Variants in FANCC observed in about 807,000 individuals in gnomAD.
FANCC encodes Fanconi anemia group C protein.
In FANCC, 55 loss-of-function variants were observed where a neutral mutation model predicts 71.3. The ratio of observed to expected loss-of-function variants is 0.77; its 90% CI spans 0.62 to 0.97. The LOEUF (loss-of-function observed/expected upper bound fraction) is 0.97, where lower values mean the gene tolerates loss of function less well. Ranked by LOEUF, FANCC falls within the 50% of genes least tolerant of loss-of-function variation. The probability of loss-of-function intolerance (pLI) is 0.00; values close to 1 mark genes in which losing one functional copy is unlikely to be tolerated. For missense variants in FANCC, 678 were observed against 670.9 expected (o/e 1.01, Z -0.12); for synonymous variants, 275 against 244.9 (o/e 1.12, Z -1.15).
intron 12 of FANCC, among the ~76,000 whole-genome samples, chr9:95,112,656 T>C (rs1416434044): frequency 6.6e-6 from 1 of 152,226 alleles, no homozygotes; most frequent in Non-Finnish European, 1.5e-5. Flanking sequence ...GGTAGACAGA[T>C]GCACAGAGCA....
chr9:95,125,183 C>T lies in FANCC; in HGVS notation c.899G>A (p.Cys300Tyr), dbSNP rs1485521289. The T allele has an allele frequency of 1.2e-6, 2 of 1,613,252 alleles. No homozygotes were observed. The highest frequency in any genetic ancestry group is 1.3e-5 in the African/African-American group (1 of 74,890). The change falls in exon 10 of 15, where the codon TGT becomes TAT. Residue 300 changes from cysteine to tyrosine, a missense_variant and splice_region_variant. Transcript: ENST00000289081. ...GGCCCCATCGGTTTCCAGGAGTGCACACCTGAACAATGCAAAGTCAGATCA... is the reference window on the plus strand; with the variant it reads ...GGCCCCATCGGTTTCCAGGAGTGCATACCTGAACAATGCAAAGTCAGATCA... ...IFRVVDEMFR[C>Y]ALLETDGALE...
chr9:95,247,407 G>A (rs1281853760), intron 3 of FANCC, 25 bp downstream of exon 3: 2 of 1,542,420 alleles, frequency 1.3e-6, no homozygotes, highest in Admixed American at 3.3e-5. Context: ...TAGCCATTTT[G>A]AGAGGACACG....
chr9:95,265,499 G>A (rs1182815497), intron 1 of FANCC, among the ~76,000 whole-genome samples: 1 of 152,142 alleles, frequency 6.6e-6, no homozygotes, highest in Admixed American at 6.5e-5. Flanking sequence ...GCACCAAGGA[G>A]CCATCATTCG....
intron 4 of FANCC, among the ~76,000 whole-genome samples, chr9:95,183,380 C>T (rs1464603061): frequency 1.3e-5 from 2 of 152,208 alleles, no homozygotes; most frequent in African/African-American, 4.8e-5. Flanking sequence ...CCTTCACATT[C>T]CTACCACAGC....
At chr9:95,197,722 G>A (rs534599770) in intron 4 of FANCC, among the ~76,000 whole-genome samples, 1 of 152,270 alleles carries the variant, frequency 6.6e-6, no homozygotes, top group East Asian at 1.9e-4. Context: ...CCTGAGGAAG[G>A]CCAGTGGTGC....
intron 4 of FANCC, among the ~76,000 whole-genome samples, chr9:95,208,339 C>G (rs1056713438): frequency 6.6e-6 from 1 of 151,732 alleles, no homozygotes; most frequent in Non-Finnish European, 1.5e-5. Flanking sequence ...TCAGGTGATC[C>G]GCCTACCTCG....
chr9:95,239,491 G>A (rs1207757858), intron 4 of FANCC, among the ~76,000 whole-genome samples: 1 of 152,066 alleles, frequency 6.6e-6, no homozygotes, highest in East Asian at 1.9e-4. Context: ...GACTCAATGA[G>A]CTATCTAATA....
chr9:95,124,582 C>G (rs1825684838), intron 10 of FANCC, among the ~76,000 whole-genome samples: 1 of 152,190 alleles, frequency 6.6e-6, no homozygotes, highest in Admixed American at 6.5e-5. Context: ...CAAGCCTTTC[C>G]CAGTCACTCT....
intron 10 of FANCC, among the ~76,000 whole-genome samples, chr9:95,118,991 T>C (rs1237618840): frequency 1.3e-5 from 2 of 152,126 alleles, no homozygotes; most frequent in Non-Finnish European, 2.9e-5. Flanking sequence ...GGCCATATGG[T>C]TTTCCGGTGT....
chr9:95,237,843 T>G (rs1049891191), intron 4 of FANCC, among the ~76,000 whole-genome samples: 2 of 152,230 alleles, frequency 1.3e-5, no homozygotes, highest in Admixed American at 6.5e-5. Context: ...AAAAAGATTA[T>G]AAATAATCTC....
At chr9:95,129,143 A>C (rs1588115489) in intron 8 of FANCC, among the ~76,000 whole-genome samples, 1 of 152,132 alleles carries the variant, frequency 6.6e-6, no homozygotes, top group East Asian at 1.9e-4. Context: ...CCTCACTGAA[A>C]AAAAAGAAAA....
chr9:95,176,132 C>T (rs969130530), intron 4 of FANCC, among the ~76,000 whole-genome samples: 2 of 152,226 alleles, frequency 1.3e-5, no homozygotes, highest in Non-Finnish European at 2.9e-5. Context: ...CGGGTAGGTA[C>T]TGTTACTGAA....
Position 95,247,522 on chromosome 9 carries a change from A to G in FANCC, c.166-6T>C, listed in dbSNP as rs1254372586. On this transcript the variant is annotated splice_polypyrimidine_tract_variant and splice_region_variant and intron_variant, in intron 2 of 14. Transcript: ENST00000289081. ...TCAATGACTGTATTAGAATCCTGTG[A>G]AAGAAAAATAAATTTTGGTCAGTAA... 6.2e-7 allele frequency: 1 copy of G among 1,609,512 alleles called. No homozygotes were observed. The highest frequency in any genetic ancestry group is 2.2e-5 in the East Asian group (1 of 44,806).
At chr9:95,136,235 A>T (rs555191266) in intron 7 of FANCC, among the ~76,000 whole-genome samples, 117 of 151,048 alleles carry the variant, frequency 7.7e-4, no homozygotes, top group South Asian at 4.2e-3. Context: ...ACAAAAAAAA[A>T]TTTTTTTTTT....
chr9:95,170,894 T>C (rs537980197), intron 6 of FANCC, among the ~76,000 whole-genome samples, 185 bp downstream of exon 6: 71 of 152,218 alleles, frequency 4.7e-4, no homozygotes, highest in Admixed American at 2.1e-3. Flanking sequence ...GTTGAGAAAA[T>C]AGTGATTTTT....
intron 1 of FANCC, chr9:95,294,458 A>C (rs1411037911): frequency 6.2e-7 from 1 of 1,602,492 alleles, no homozygotes; most frequent in Admixed American, 1.7e-5. Flanking sequence ...ACACAGACAG[A>C]CTTAAACTTT....
At position 95,291,714 on chromosome 9, in the gene FANCC, G is replaced by A. The variant is rs557005779; in HGVS notation, c.-79+25812C>T. Among the ~76,000 whole-genome samples, 24 of 151,952 alleles carry A rather than the reference G, an allele frequency of 1.6e-4. No individual in the cohort carries two copies. The South Asian group carries it at 1.7e-3, about 11-fold the overall frequency. On this transcript the variant is annotated intron_variant, in intron 1 of 14. Coordinates refer to ENST00000289081, the MANE Select transcript of FANCC (RefSeq NM_000136.3). ...TGTAATCCCAGCACTTTGGGAGGCCGAGGCAGGTGGATCACCTGAGGTCAG... is the reference window on the plus strand; with the variant it reads ...TGTAATCCCAGCACTTTGGGAGGCCAAGGCAGGTGGATCACCTGAGGTCAG...
intron 1 of FANCC, among the ~76,000 whole-genome samples, chr9:95,271,847 TA>T (rs1832741235): frequency 6.6e-6 from 1 of 150,540 alleles, no homozygotes; most frequent in Non-Finnish European, 1.5e-5. Flanking sequence ...ATGCACGCCT[TA>T]AAAGTTTATC....
Position 95,126,597 on chromosome 9 carries a change from A to C in FANCC, c.844-16T>G. 6.2e-7 allele frequency: 1 copy of C among 1,613,744 alleles called. No individual in the cohort carries two copies. The highest frequency in any genetic ancestry group is 8.5e-7 in the Non-Finnish European group (1 of 1,179,660). On this transcript the variant is annotated splice_polypyrimidine_tract_variant and intron_variant, in intron 8 of 14. Transcript: ENST00000289081. The stretch of plus-strand genomic sequence containing the variant: ...CTGCTTGAGGCTGTAAAAGGAGAAG[A>C]CCATGAGAATGTGAAATATCACAAG...
Sources: gnomAD v4.1 joint callset for allele counts (sites outside exome capture counted in the v4.1 genomes callset) on GRCh38, gnomAD v4.1.1 for gene constraint, MANE v1.5 for transcripts, NCBI Gene and HGNC (gene_info 2026-07-23, HGNC 2026-07-21) for gene names.